ZFHX2: variants seen among roughly 807,000 people sequenced by gnomAD.
The protein encoded by ZFHX2 is zinc finger homeobox 2, also known as zinc finger homeobox protein 2.
ZFHX2 carries 75 observed loss-of-function variants against 164.8 expected under a neutral mutation model. That is an observed-to-expected ratio of 0.46 (90% CI 0.38 to 0.55). ZFHX2 has a LOEUF of 0.55. Among genes scored for constraint, ZFHX2 ranks in the 20% least tolerant of loss-of-function variants. The pLI, the probability that ZFHX2 is intolerant of heterozygous loss-of-function variation, is 0.00. For synonymous variants in ZFHX2, 1,217 were observed against 1,351.4 expected (o/e 0.90, Z 2.18); for missense variants, 2,933 against 3,308.0 (o/e 0.89, Z 2.78).
chr14:23,554,645 C>T (rs1882211694), upstream of ZFHX2, among the ~76,000 whole-genome samples: 1 of 151,774 alleles, frequency 6.6e-6, no homozygotes, highest in Admixed American at 6.6e-5. Context: ...GCCTCGACCT[C>T]CCAAAGTGCT....
intron 1 of ZFHX2, among the ~76,000 whole-genome samples, chr14:23,540,669 T>G (rs571073059): frequency 6.6e-6 from 1 of 152,382 alleles, no homozygotes; most frequent in African/African-American, 2.4e-5. Flanking sequence ...ACTCACTAGC[T>G]GTGCAACTCT....
chr14:23,535,035 C>T lies in ZFHX2; in HGVS notation c.291G>A (p.Glu97=). Residue 97 remains glutamate, a synonymous_variant, in exon 2 of 10, where the codon GAG becomes GAA. Coordinates refer to ENST00000419474, the MANE Select transcript of ZFHX2 (RefSeq NM_033400.3). This position sits in a 1 kb window ranked among gnomAD's most constrained non-coding sequence, Gnocchi z 4.5. ...GGAGCCCTTCTTCTTCCTCCTCCTG[C>T]TCCTTGTCCTTTTCCACCCCTGGGT... The part of the protein sequence containing the change: ...PNDPGVEKDK[E]QEEEEEGLPP... 1 of 1,536,216 alleles carries T rather than the reference C, an allele frequency of 6.5e-7. No homozygotes were observed. The highest frequency in any genetic ancestry group is 1.2e-5 in the South Asian group (1 of 84,062).
Position 23,532,571 on chromosome 14 carries a change from T to A in ZFHX2, c.2555A>T (p.Tyr852Phe). ...GAAHEENSQI[Y>F]KFLLDMEGAE... Reference sequence around the variant, plus strand: ...CCCTTCCTGACCCAGCCTCACCTTATAGATTTGGCTGTTTTCTTCGTGGGC... The same window carrying A: ...CCCTTCCTGACCCAGCCTCACCTTAAAGATTTGGCTGTTTTCTTCGTGGGC... The change falls in exon 3 of 10, where the codon TAT (tyrosine) becomes TTT (phenylalanine). Residue 852 changes from tyrosine to phenylalanine, a missense_variant. Transcript: ENST00000419474. The A allele has an allele frequency of 6.9e-7, 1 of 1,440,508 alleles. No homozygotes were observed. Among genetic ancestry groups the A allele is most frequent in the Non-Finnish European group, 9.1e-7 (1 of 1,100,532 alleles). The allele number at this position is 1,440,508 out of a possible 1,614,324, so 89.2% of individuals were successfully genotyped here.
chr14:23,545,738 G>C (rs1881318865), intron 1 of ZFHX2, among the ~76,000 whole-genome samples: 1 of 152,200 alleles, frequency 6.6e-6, no homozygotes, highest in African/African-American at 2.4e-5. Flanking sequence ...GATGGCTGGG[G>C]GGAAATGCAG....
At position 23,531,580 on chromosome 14, in the gene ZFHX2, T is replaced by G; in HGVS notation, c.2701A>C (p.Arg901=). 6.5e-7 allele frequency: 1 copy of G among 1,527,150 alleles called. No individual in the cohort carries two copies. The highest frequency in any genetic ancestry group is 1.4e-5 in the African/African-American group (1 of 72,926). 94.6% of individuals were successfully genotyped at this position (1,527,150 alleles called of 1,614,324 possible). Residue 901 remains arginine, a synonymous_variant, in exon 4 of 10, where the codon AGG becomes CGG. Coordinates refer to ENST00000419474, the MANE Select transcript of ZFHX2 (RefSeq NM_033400.3). ...CCATTCTGTAGCAGCTGCAGACGCC[T>G]CTGGGCCTGGGCATCGCGGTGGGCA... ...TPAHRDAQAQ[R]RLQLLQNGPT...
rs61740283 is a variant in ZFHX2 at position 23,535,031 on chromosome 14, C to G, written c.295G>C (p.Glu99Gln). The part of the protein sequence containing the change: ...DPGVEKDKEQ[E>Q]EEEEGLPPMD... ...GGAGGGAGCCCTTCTTCTTCCTCCT[C>G]CTGCTCCTTGTCCTTTTCCACCCCT... The change falls in exon 2 of 10, where the codon GAG (glutamate) becomes CAG (glutamine). Residue 99 changes from glutamate to glutamine, a missense_variant. Transcript: ENST00000419474. The surrounding 1 kb of genome is among the most constrained non-coding windows in gnomAD (Gnocchi z 4.5). 3,401 of 1,536,194 alleles carry G rather than the reference C, an allele frequency of 2.2e-3. 53 individuals carry two copies. The African/African-American group carries it at 0.039, about 18-fold the overall frequency.
Position 23,523,067 on chromosome 14 carries a change from T to A in ZFHX2, c.6740-126A>T. On this transcript the variant is annotated intron_variant, in intron 9 of 9. Transcript: ENST00000419474. The surrounding 1 kb of genome is among the most constrained non-coding windows in gnomAD (Gnocchi z 4.1). ...GGATTTCCATGCCCCTTCCCTCCCTTCTTTCCCCCAAGAGCCTGATGCAAA... is the reference window on the plus strand; with the variant it reads ...GGATTTCCATGCCCCTTCCCTCCCTACTTTCCCCCAAGAGCCTGATGCAAA... 1 of 1,401,098 alleles carries A rather than the reference T, an allele frequency of 7.1e-7. No individual in the cohort carries two copies. The highest frequency in any genetic ancestry group is 9.2e-7 in the Non-Finnish European group (1 of 1,082,498). 86.8% of individuals were successfully genotyped at this position (1,401,098 alleles called of 1,614,324 possible). A position where few individuals can be genotyped will look rare whatever the true frequency, so the allele number is the denominator to read the frequency against.
At chr14:23,550,177 G>A (rs1881807669) in intron 1 of ZFHX2, among the ~76,000 whole-genome samples, 2 of 152,236 alleles carry the variant, frequency 1.3e-5, no homozygotes, top group South Asian at 2.1e-4. Context: ...TGGCAAAGGG[G>A]ACAGTCAACA....
rs778389152 is a variant in ZFHX2, at chr14:23,524,894, A to G, written c.5048T>C (p.Phe1683Ser). The G allele has an allele frequency of 7.8e-6, 12 of 1,536,252 alleles. No individual in the cohort carries two copies. In the South Asian group the frequency reaches 1.4e-4, roughly 18 times the overall value. Reference protein sequence around the residue: ...RRCHATFSCVFELVRHLKKCY... With the variant: ...RRCHATFSCVSELVRHLKKCY... ...CTTCTTGAGGTGGCGCACCAACTCA[A>G]AAACACAGGAGAAAGTGGCGTGGCA... is the stretch of plus-strand genomic sequence containing the variant. Residue 1683 changes from phenylalanine (F) to serine (S), a missense_variant, in exon 9 of 10, where the codon TTT becomes TCT. By Grantham distance (155) the Phe-to-Ser change is radical. Transcript: ENST00000419474. This position sits in a 1 kb window ranked among gnomAD's most constrained non-coding sequence, Gnocchi z 5.6.
At chr14:23,537,211 A>T (rs1330692159) in intron 1 of ZFHX2, among the ~76,000 whole-genome samples, 1 of 151,662 alleles carries the variant, frequency 6.6e-6, no homozygotes, top group East Asian at 1.9e-4. Flanking sequence ...AGCTGACAGA[A>T]GCGCCAAGGC....
chr14:23,528,891 G>C (rs191007406), intron 6 of ZFHX2: 2 of 944,246 alleles, frequency 2.1e-6, no homozygotes, highest in African/African-American at 3.5e-5. Context: ...ACAGGCCTGT[G>C]TGTCAGGGAG....
chr14:23,551,924 G>T (rs1254604778), upstream of ZFHX2, among the ~76,000 whole-genome samples: 1 of 152,194 alleles, frequency 6.6e-6, no homozygotes, highest in Admixed American at 6.5e-5. This position sits in a 1 kb window ranked among gnomAD's most constrained non-coding sequence, Gnocchi z 5.3. Flanking sequence ...TCGCCTCCAG[G>T]TTCAAGCCGG....
rs911158411 is a variant in ZFHX2, at chr14:23,546,829, G to A, written c.-50+4514C>T. The stretch of plus-strand genomic sequence containing the variant: ...AATATGAGCTGCCCAACTCCGTGGC[G>A]GTGGCTGACAGTGCAACAGCCACCA... On this transcript the variant is annotated intron_variant, in intron 1 of 9. Transcript: ENST00000419474. The surrounding 1 kb of genome is among the most constrained non-coding windows in gnomAD (Gnocchi z 4.7). Among the ~76,000 whole-genome samples, 3 of 152,124 alleles carry A rather than the reference G, an allele frequency of 2.0e-5. No homozygotes were observed. Among genetic ancestry groups the A allele is most frequent in the African/African-American group, 4.8e-5 (2 of 41,420 alleles).
chr14:23,533,148 G>A lies in ZFHX2; in HGVS notation c.2042-64C>T, dbSNP rs1566584467. ...TGGGGCACGGTTGGTTCTCTATGTG[G>A]GGAGGTGGGTTAATGAGTAGGATAG... On this transcript the variant is annotated intron_variant, in intron 2 of 9. Coordinates refer to ENST00000419474, the MANE Select transcript of ZFHX2 (RefSeq NM_033400.3). This position sits in a 1 kb window ranked among gnomAD's most constrained non-coding sequence, Gnocchi z 4.8. 6.8e-7 allele frequency: 1 copy of A among 1,461,532 alleles called. No homozygotes were observed. The highest frequency in any genetic ancestry group is 9.0e-7 in the Non-Finnish European group (1 of 1,109,412). The allele number at this position is 1,461,532 out of a possible 1,614,324, so 90.5% of individuals were successfully genotyped here.
chr14:23,529,732 C>A lies in ZFHX2; in HGVS notation c.2912G>T (p.Arg971Ile). The A allele has an allele frequency of 6.5e-7, 1 of 1,536,248 alleles. No individual in the cohort carries two copies. Among genetic ancestry groups the A allele is most frequent in the African/African-American group, 1.4e-5 (1 of 73,156 alleles). Residue 971 changes from arginine to isoleucine, a missense_variant, in exon 6 of 10, where the codon AGA becomes ATA. Arg to Ile is a moderately conservative substitution (Grantham distance 97). Transcript: ENST00000419474. ...EETENKTGPS[R>I]DSANQTTVYC... ...GACCGTGGTCTGGTTGGCACTGTCT[C>A]TGGAAGGGCCAGTCTTGTTTTCTGT...
Position 23,522,127 on chromosome 14 carries a change from G to A in ZFHX2, c.7554C>T (p.Ala2518=), listed in dbSNP as rs747637017. ...EALASHLRSS[A]HRRKAAPPQG... ...GAGGTGGGGCTGCCTTGCGCCTGTG[G>A]GCCGAGGAGCGCAGGTGGGAGGCTA... is the stretch of plus-strand genomic sequence containing the variant. The change falls in exon 10 of 10, where the codon GCC becomes GCT. Residue 2518 remains alanine, a synonymous_variant. Coordinates refer to ENST00000419474, the MANE Select transcript of ZFHX2 (RefSeq NM_033400.3). 6.5e-7 allele frequency: 1 copy of A among 1,530,324 alleles called. No individual in the cohort carries two copies. The highest frequency in any genetic ancestry group is 8.7e-7 in the Non-Finnish European group (1 of 1,143,974). 94.8% of individuals were successfully genotyped at this position (1,530,324 alleles called of 1,614,324 possible).
intron 7 of ZFHX2, 25 bp from the exon 8 acceptor site, chr14:23,526,998 C>A: frequency 6.7e-7 from 1 of 1,482,832 alleles, no homozygotes; most frequent in South Asian, 1.4e-5. Context: ...AGCCTAGTGG[C>A]TTCACCACCA....
intron 4 of ZFHX2, chr14:23,531,210 A>G (rs1879505578): frequency 2.9e-6 from 1 of 342,968 alleles, no homozygotes; most frequent in Admixed American, 4.9e-5. Flanking sequence ...ACTACTCAGA[A>G]TCACTGGGTG....
At chr14:23,527,901 CTTTTTTTTTT>C (rs745574496) in intron 6 of ZFHX2, 97 bp from the exon 7 acceptor site, 9 of 448,956 alleles carry the variant, frequency 2.0e-5, no homozygotes, top group Non-Finnish European at 3.3e-5. Flanking sequence ...GCCCCCACTC[CTTTTTTTTTT>C]TTTTTTTTTT....
Sources: gnomAD v4.1 joint callset for allele counts (sites outside exome capture counted in the v4.1 genomes callset) on GRCh38, gnomAD v4.1.1 for gene constraint, Gnocchi (gnomAD v3.1) non-coding constraint, MANE v1.5 for transcripts, NCBI Gene and HGNC (gene_info 2026-07-23, HGNC 2026-07-21) for gene names.